The following BCLAF3 variants were observed in gnomAD, a reference collection of about 807,000 sequenced individuals.
The protein encoded by BCLAF3 is transient octamer binding factor 1.
In BCLAF3, 24 loss-of-function variants were observed where a neutral mutation model predicts 51.2. The ratio of observed to expected loss-of-function variants is 0.47; its 90% CI spans 0.34 to 0.66. The LOEUF (loss-of-function observed/expected upper bound fraction) is 0.66. Among genes scored for constraint, BCLAF3 ranks in the 30% least tolerant of loss-of-function variants. BCLAF3 has a pLI of 0.01. For synonymous variants in BCLAF3, 152 were observed against 176.6 expected (o/e 0.86, Z 1.10); for missense variants, 465 against 525.1 (o/e 0.89, Z 1.12).
At position 19,950,959 on chromosome X, in the gene BCLAF3, A is replaced by G. The variant is rs1352673086; in HGVS notation, c.1630-91T>C. 12 of 564,661 alleles carry G rather than the reference A, an allele frequency of 2.1e-5. No homozygotes were observed. The South Asian group carries it at 3.5e-4, about 16-fold the overall frequency. The allele number at this position is 564,661 out of a possible 1,213,427, so 46.5% of individuals were successfully genotyped here. A position where few individuals can be genotyped will look rare whatever the true frequency, so the allele number is the denominator to read the frequency against. On this transcript the variant is annotated intron_variant, in intron 7 of 11. Coordinates refer to ENST00000379682, the MANE Select transcript of BCLAF3 (RefSeq NM_001367774.2). ...CAAGAACGTTAATTACAAGTCCTAGATAAGTTACCTTGTACTCATCCTGCT... is the reference window on the plus strand; with the variant it reads ...CAAGAACGTTAATTACAAGTCCTAGGTAAGTTACCTTGTACTCATCCTGCT...
chrX:19,983,511 G>A (rs1603340562), intron 1 of BCLAF3, among the ~76,000 whole-genome samples: 1 of 108,947 alleles, frequency 9.2e-6, no homozygotes, highest in African/African-American at 3.3e-5. Context: ...GAGGTCAGAA[G>A]ACAAGGCCGG....
chrX:19,921,472 G>A (rs1464638004), intron 11 of BCLAF3, among the ~76,000 whole-genome samples: 1 of 112,196 alleles, frequency 8.9e-6, no homozygotes, highest in Non-Finnish European at 1.9e-5. Flanking sequence ...TAGAGGCCAA[G>A]GCAGGCAGAT....
chrX:19,920,412 T>C (rs1318356838), intron 11 of BCLAF3, among the ~76,000 whole-genome samples: 1 of 111,640 alleles, frequency 9.0e-6, no homozygotes, highest in Non-Finnish European at 1.9e-5. Context: ...TTTTGTTCAC[T>C]AACATTTTAG....
intron 4 of BCLAF3, among the ~76,000 whole-genome samples, chrX:19,958,308 C>T (rs757072756): frequency 1.8e-5 from 2 of 111,932 alleles, no homozygotes; most frequent in East Asian, 2.8e-4. Flanking sequence ...AAATGAACTG[C>T]ATGGCAAAAC....
At chrX:19,949,632 A>G (rs987430204) in intron 8 of BCLAF3, among the ~76,000 whole-genome samples, 4 of 111,734 alleles carry the variant, frequency 3.6e-5, no homozygotes, top group African/African-American at 1.3e-4. Context: ...TTCATTTTCA[A>G]TTGTTTTATA....
rs1209761828 is a variant in BCLAF3 at position 19,916,315 on chromosome X, A to G, written c.*990T>C. 8.9e-6 allele frequency: 1 copy of G among 112,857 alleles called. No homozygotes were observed. The highest frequency in any genetic ancestry group is 1.9e-5 in the Non-Finnish European group (1 of 53,255). 9.3% of individuals were successfully genotyped at this position (112,857 alleles called of 1,213,427 possible). On this transcript the variant is annotated 3_prime_UTR_variant, in exon 12 of 12. Coordinates refer to ENST00000379682, the MANE Select transcript of BCLAF3 (RefSeq NM_001367774.2). ...ACAAATAAACATTTCACAAAAATGT[A>G]ATTGGGAATGTATATGTACTGTTAA... is the stretch of plus-strand genomic sequence containing the variant.
chrX:19,970,842 TA>T (rs1210052822), intron 1 of BCLAF3, among the ~76,000 whole-genome samples: 1 of 111,566 alleles, frequency 9.0e-6, no homozygotes, highest in Non-Finnish European at 1.9e-5. Context: ...CATTGTAGTT[TA>T]ATGACCCCTA....
In BCLAF3 at chrX:19,915,418, T is replaced by A. The variant is rs934734613; in HGVS notation, c.*1887A>T. The A allele has an allele frequency of 5.3e-5, 6 of 112,243 alleles. No individual in the cohort carries two copies. The highest frequency in any genetic ancestry group is 1.9e-4 in the African/African-American group (6 of 30,910). 9.3% of individuals were successfully genotyped at this position (112,243 alleles called of 1,213,427 possible). ...TTGGTTTTTCCTTTTAGGCTTTAGA[T>A]CTTATACACACAATGTTTTCTGCAC... is the stretch of plus-strand genomic sequence containing the variant. On this transcript the variant is annotated 3_prime_UTR_variant, in exon 12 of 12. Transcript: ENST00000379682.
In BCLAF3 at chrX:19,927,292, T is replaced by C. The variant is rs1479300769; in HGVS notation, c.2106+2493A>G. 5.4e-5 allele frequency among the ~76,000 whole-genome samples: 6 copies of C among 111,507 alleles called. No individual in the cohort carries two copies. The East Asian group carries it at 1.4e-3, about 26-fold the overall frequency. ...CCATGAGTGACACACATGGTGAAAT[T>C]AGAAATCTTCTAAGGTACTCAGTTA... is the stretch of plus-strand genomic sequence containing the variant. On this transcript the variant is annotated intron_variant, in intron 11 of 11. Transcript: ENST00000379682.
At chrX:19,990,818 G>A (rs1438102877) in intron 1 of BCLAF3, among the ~76,000 whole-genome samples, 90 bp downstream of exon 1, 2 of 110,795 alleles carry the variant, frequency 1.8e-5, no homozygotes, top group African/African-American at 3.3e-5. Flanking sequence ...TGCCCCATCC[G>A]CCACCCCGAG....
chrX:19,916,937 CTTGTTT>C lies in BCLAF3; in HGVS notation c.*362_*367del, dbSNP rs1309992579. The C allele has an allele frequency of 1.8e-5, 3 of 170,704 alleles. No homozygotes were observed. Among genetic ancestry groups the C allele is most frequent in the Non-Finnish European group, 2.1e-5 (2 of 93,542 alleles). 14.1% of individuals were successfully genotyped at this position (170,704 alleles called of 1,213,427 possible). A position where few individuals can be genotyped will look rare whatever the true frequency, so the allele number is the denominator to read the frequency against. ...GTAAAGACACTATACAATTCAGACA[CTTGTTT>C]TTGTTTTTATTATGTAAGCAAAACT... On this transcript the variant is annotated 3_prime_UTR_variant, in exon 12 of 12. Coordinates refer to ENST00000379682, the MANE Select transcript of BCLAF3 (RefSeq NM_001367774.2).
Position 19,914,603 on chromosome X carries a change from T to C in BCLAF3, c.*2702A>G, listed in dbSNP as rs1267844028. The C allele has an allele frequency of 9.0e-6, 1 of 111,319 alleles. No homozygotes were observed. Among genetic ancestry groups the C allele is most frequent in the Non-Finnish European group, 1.9e-5 (1 of 53,098 alleles). 9.2% of individuals were successfully genotyped at this position (111,319 alleles called of 1,213,427 possible). A position where few individuals can be genotyped will look rare whatever the true frequency, so the allele number is the denominator to read the frequency against. ...TTGTTACACATAAATGTAGCGAGTT[T>C]TTTTCCAATAGAAAAAAATGAAAAT... On this transcript the variant is annotated 3_prime_UTR_variant, in exon 12 of 12. Coordinates refer to ENST00000379682, the MANE Select transcript of BCLAF3 (RefSeq NM_001367774.2).
chrX:19,934,087 T>C (rs1478247344), intron 10 of BCLAF3, among the ~76,000 whole-genome samples: 1 of 112,245 alleles, frequency 8.9e-6, no homozygotes, highest in Non-Finnish European at 1.9e-5. Context: ...AAAGATTTCC[T>C]TTTCTTAGGA....
At chrX:19,959,468 T>C (rs1295910441) in intron 4 of BCLAF3, among the ~76,000 whole-genome samples, 1 of 111,505 alleles carries the variant, frequency 9.0e-6, no homozygotes, top group Non-Finnish European at 1.9e-5. Context: ...GCTAGAGAGA[T>C]GATAAGGTCA....
chrX:19,980,157 G>T (rs1181818065), intron 1 of BCLAF3, among the ~76,000 whole-genome samples: 1 of 111,593 alleles, frequency 9.0e-6, no homozygotes, highest in African/African-American at 3.3e-5. Flanking sequence ...GGTCTCACAG[G>T]TACCTTGGAA....
At chrX:19,945,269 C>G (rs1399502513) in intron 8 of BCLAF3, among the ~76,000 whole-genome samples, 7 of 108,554 alleles carry the variant, frequency 6.4e-5, no homozygotes, top group Middle Eastern at 4.3e-3. Context: ...CTTCTTCTCT[C>G]AGCTCGTCAA....
intron 1 of BCLAF3, among the ~76,000 whole-genome samples, chrX:19,971,039 T>C (rs2072239874): frequency 8.9e-6 from 1 of 112,486 alleles, no homozygotes; most frequent in Non-Finnish European, 1.9e-5. Flanking sequence ...TACGTGATGG[T>C]ATACTCTGCT....
rs369487061 is a variant in BCLAF3 at position 19,950,849 on chromosome X, T to C, written c.1649A>G (p.Asp550Gly). ...ESEQTLIKIIDPNDLRHDIER... is the reference protein window; with the variant it reads ...ESEQTLIKIIGPNDLRHDIER... The stretch of plus-strand genomic sequence containing the variant: ...AATGTCATGTCGTAGGTCATTTGGA[T>C]CTATTATTTTGATCAGAGTCTGAGG... Residue 550 changes from aspartate to glycine, a missense_variant, in exon 8 of 12, where the codon GAT (aspartate) becomes GGT (glycine). Asp to Gly is a moderately conservative substitution (Grantham distance 94, BLOSUM62 -1). Coordinates refer to ENST00000379682, the MANE Select transcript of BCLAF3 (RefSeq NM_001367774.2). 3.3e-6 allele frequency: 4 copies of C among 1,204,272 alleles called. No homozygotes were observed. The African/African-American group carries it at 7.0e-5, about 21-fold the overall frequency.
At chrX:19,959,061 C>T (rs2071765648) in intron 4 of BCLAF3, among the ~76,000 whole-genome samples, 1 of 112,680 alleles carries the variant, frequency 8.9e-6, no homozygotes, top group South Asian at 3.6e-4. Context: ...TCGCAGCATT[C>T]TTACCTTTCA....
Sources: gnomAD v4.1 joint callset for allele counts (sites outside exome capture counted in the v4.1 genomes callset) on GRCh38, gnomAD v4.1.1 for gene constraint, MANE v1.5 for transcripts, NCBI Gene and HGNC (gene_info 2026-07-23, HGNC 2026-07-21) for gene names.